The following DOK7 variants were observed in gnomAD, a reference collection of about 807,000 sequenced individuals.
DOK7 encodes protein Dok-7.
In DOK7, 32 loss-of-function variants were observed where a neutral mutation model predicts 30.7. The ratio of observed to expected loss-of-function variants is 1.04; its 90% CI spans 0.79 to 1.40. DOK7 has a LOEUF of 1.40. Among genes scored for constraint, DOK7 ranks in the 40% most tolerant of loss-of-function variants. The pLI, the probability that DOK7 is intolerant of heterozygous loss-of-function variation, is 0.00. For missense variants in DOK7, 1,007 were observed against 699.2 expected, an observed-to-expected ratio of 1.44 and a Z score of -4.97; for synonymous variants, 447 against 324.1, an observed-to-expected ratio of 1.38 and a Z score of -4.07.
At chr4:3,464,817 C>T (rs1726182197) in intron 2 of DOK7, among the ~76,000 whole-genome samples, 1 of 152,176 alleles carries the variant, frequency 6.6e-6, no homozygotes, top group South Asian at 2.1e-4. Context: ...CAGGGCCTGC[C>T]AGCCTCAAGA....
intron 6 of DOK7, among the ~76,000 whole-genome samples, chr4:3,491,850 G>A (rs567042548): frequency 9.9e-5 from 15 of 152,176 alleles, no homozygotes; most frequent in African/African-American, 1.7e-4. Context: ...AGGAGGGGCC[G>A]CTGTGCTCCC....
At chr4:3,468,744 A>G (rs201908201) in intron 2 of DOK7, among the ~76,000 whole-genome samples, 4 of 94,270 alleles carry the variant, frequency 4.2e-5, no homozygotes, top group South Asian at 5.4e-4. Context: ...CTGCCTGTGT[A>G]TGTGTCTGTG....
Position 3,493,380 on chromosome 4 carries a change from C to T in DOK7, c.1394C>T (p.Thr465Ile). The change falls in exon 7 of 7, where the codon ACA (threonine) becomes ATA (isoleucine). Residue 465 changes from threonine to isoleucine, a missense_variant. Thr to Ile is a moderately conservative substitution (Grantham distance 89). Transcript: ENST00000340083. ...GAGGCCCCCCAGGGCAGCGAGGCCA[C>T]ACTGCCTGGCCCTGCCCCTGGCGAG... ...VMEAPQGSEA[T>I]LPGPAPGEPW... 1 of 1,594,924 alleles carries T rather than the reference C, an allele frequency of 6.3e-7. No individual in the cohort carries two copies.
At position 3,492,793 on chromosome 4, in the gene DOK7, GGCCAGTCACTTGGACGTCAGC is replaced by G. The variant is rs1728574787; in HGVS notation, c.813_833del (p.His272_Ser278del). 1.2e-6 allele frequency: 2 copies of G among 1,612,788 alleles called. No individual in the cohort carries two copies. The highest frequency in any genetic ancestry group is 2.7e-5 in the African/African-American group (2 of 75,040). ...GCAGCCTGTCCAGCTCATCCTCAGAGGCCAGTCACTTGGACGTCAGCGCCAGCAGCCGGCTCACCGCATGGC... is the reference window on the plus strand; with the variant it reads ...GCAGCCTGTCCAGCTCATCCTCAGAGGCCAGCAGCCGGCTCACCGCATGGC... On this transcript the variant is annotated inframe_deletion, in exon 7 of 7. Transcript: ENST00000340083.
chr4:3,493,508 C>G lies in DOK7; in HGVS notation c.*7C>G, dbSNP rs760159934. 2.5e-6 allele frequency: 4 copies of G among 1,610,390 alleles called. No homozygotes were observed. The African/African-American group carries it at 5.3e-5, about 21-fold the overall frequency. ...GGTAAACCCCCCTCCTTGAGAGCCG[C>G]AGATCCCGCCCCGCGGCTGCAAAGG... is the stretch of plus-strand genomic sequence containing the variant. On this transcript the variant is annotated 3_prime_UTR_variant, in exon 7 of 7. Coordinates refer to ENST00000340083, the MANE Select transcript of DOK7 (RefSeq NM_173660.5).
chr4:3,468,154 G>A (rs1430547204), intron 2 of DOK7, among the ~76,000 whole-genome samples: 1 of 147,086 alleles, frequency 6.8e-6, no homozygotes, highest in Non-Finnish European at 1.5e-5. Context: ...GTGTATGCAA[G>A]TGTGTGTGTG....
At position 3,463,370 on chromosome 4, in the gene DOK7, C is replaced by A; in HGVS notation, c.-6C>A. Reference sequence around the variant, plus strand: ...CGAGCGCGGCGGCGCGGAACCATGACAGAAGATGACCGAGGCGGCGCTGGT... The same window carrying A: ...CGAGCGCGGCGGCGCGGAACCATGAAAGAAGATGACCGAGGCGGCGCTGGT... On this transcript the variant is annotated 5_prime_UTR_variant, in exon 1 of 7. Coordinates refer to ENST00000340083, the MANE Select transcript of DOK7 (RefSeq NM_173660.5). 6.7e-7 allele frequency: 1 copy of A among 1,487,498 alleles called. No homozygotes were observed. The allele number at this position is 1,487,498 out of a possible 1,614,324, so 92.1% of individuals were successfully genotyped here.
rs188109857 is a variant in DOK7 at position 3,485,046 on chromosome 4, C to T, written c.533-493C>T. On this transcript the variant is annotated intron_variant, in intron 4 of 6. Coordinates refer to ENST00000340083, the MANE Select transcript of DOK7 (RefSeq NM_173660.5). ...CTGGCTGCTTCATTTGCCCTCAAGA[C>T]GGCTGTGGGGGCAGGGTCGCTGGGA... is the stretch of plus-strand genomic sequence containing the variant. Among the ~76,000 whole-genome samples the T allele has an allele frequency of 2.6e-4, 40 of 152,316 alleles. 1 individual carries two copies. The highest frequency in any genetic ancestry group is 1.5e-3 in the Admixed American group (23 of 15,304).
chr4:3,465,178 G>C (rs1726197848), intron 2 of DOK7, among the ~76,000 whole-genome samples: 1 of 152,168 alleles, frequency 6.6e-6, no homozygotes, highest in African/African-American at 2.4e-5. Context: ...ACACCCTGTG[G>C]GGTTGCCCAG....
chr4:3,473,389 G>A lies in DOK7; in HGVS notation c.101-17G>A, dbSNP rs372832187. 25 of 1,609,902 alleles carry A rather than the reference G, an allele frequency of 1.6e-5. No homozygotes were observed. Among genetic ancestry groups the A allele is most frequent in the Non-Finnish European group, 2.1e-5 (25 of 1,179,516 alleles). On this transcript the variant is annotated splice_polypyrimidine_tract_variant and intron_variant, in intron 2 of 6. Transcript: ENST00000340083. Reference sequence around the variant, plus strand: ...GGCGGTGTTGGCTGGCGTCCCTGACGGCCACGCTCCTTGCAGACTGCCTGC... The same window carrying A: ...GGCGGTGTTGGCTGGCGTCCCTGACAGCCACGCTCCTTGCAGACTGCCTGC...
At chr4:3,498,680 GC>G (rs1219337457), downstream of DOK7, among the ~76,000 whole-genome samples, 3 of 152,138 alleles carry the variant, frequency 2.0e-5, no homozygotes, top group African/African-American at 7.2e-5. Flanking sequence ...TAGGCAGCTG[GC>G]CCTGCTGGCC....
chr4:3,494,493 C>A, downstream of DOK7: 2 of 985,514 alleles, frequency 2.0e-6, no homozygotes, highest in Non-Finnish European at 2.4e-6. Context: ...CCACCTTGTC[C>A]TAGTCCGTTG....
At chr4:3,486,963 A>G (rs1447410200) in intron 5 of DOK7, among the ~76,000 whole-genome samples, 4 of 152,062 alleles carry the variant, frequency 2.6e-5, no homozygotes, top group African/African-American at 9.7e-5. Flanking sequence ...TACTGGGCAG[A>G]GGATGCCAGG....
chr4:3,476,327 C>T lies in DOK7; in HGVS notation c.332-15C>T, dbSNP rs768582483. The T allele has an allele frequency of 8.1e-6, 13 of 1,607,774 alleles. 2 individuals carry two copies. The highest frequency in any genetic ancestry group is 9.3e-6 in the Non-Finnish European group (11 of 1,178,534). ...CTGCCCGCCCGTGATGCCCTCTTGCCCCGCCTGCCCGCAGTGCATAGGTTC... is the reference window on the plus strand; with the variant it reads ...CTGCCCGCCCGTGATGCCCTCTTGCTCCGCCTGCCCGCAGTGCATAGGTTC... On this transcript the variant is annotated splice_polypyrimidine_tract_variant and intron_variant, in intron 3 of 6. Coordinates refer to ENST00000340083, the MANE Select transcript of DOK7 (RefSeq NM_173660.5).
chr4:3,492,505 G>A (rs991261964), intron 6 of DOK7, among the ~76,000 whole-genome samples: 4 of 152,136 alleles, frequency 2.6e-5, no homozygotes, highest in Non-Finnish European at 4.4e-5. Context: ...CAGGGGTGCT[G>A]AGAGGGAGGG....
At position 3,476,529 on chromosome 4, in the gene DOK7, C is replaced by G. The variant is rs774920743; in HGVS notation, c.519C>G (p.Thr173=). The G allele has an allele frequency of 6.2e-7, 1 of 1,613,934 alleles. No individual in the cohort carries two copies. Among genetic ancestry groups the G allele is most frequent in the South Asian group, 1.1e-5 (1 of 91,082 alleles). The change falls in exon 4 of 7, where the codon ACC becomes ACG. Residue 173 remains threonine (T), a synonymous_variant. Transcript: ENST00000340083. The part of the protein sequence containing the change: ...VPSGFIFEGG[T]RCGYWAGVFF... ...GCGGATTCATCTTTGAAGGCGGGAC[C>G]AGGTGTGGGTACTGTAAGTACGGAT...
chr4:3,477,410 C>A (rs1727163843), intron 4 of DOK7, among the ~76,000 whole-genome samples: 1 of 152,350 alleles, frequency 6.6e-6, no homozygotes, highest in East Asian at 1.9e-4. Flanking sequence ...CTGGATGTGT[C>A]TGGGTGGAGG....
chr4:3,473,156 C>G (rs550174322), intron 2 of DOK7, among the ~76,000 whole-genome samples: 10 of 152,362 alleles, frequency 6.6e-5, no homozygotes, highest in Admixed American at 1.3e-4. Context: ...GTCATGGGAG[C>G]CAGCGTCGGG....
intron 2 of DOK7, among the ~76,000 whole-genome samples, chr4:3,472,298 A>C (rs1381796623): frequency 2.0e-5 from 3 of 152,268 alleles, no homozygotes; most frequent in African/African-American, 4.8e-5. Flanking sequence ...GCCTGTGTGA[A>C]GAGTGAGCAC....
Sources: gnomAD v4.1 joint callset for allele counts (sites outside exome capture counted in the v4.1 genomes callset) on GRCh38, gnomAD v4.1.1 for gene constraint, MANE v1.5 for transcripts, NCBI Gene and HGNC (gene_info 2026-07-23, HGNC 2026-07-21) for gene names.